The following SLC44A2 variants were observed in gnomAD, a reference collection of about 807,000 sequenced individuals.
SLC44A2 encodes the protein choline transporter-like protein 2.
A neutral mutation model predicts 90.8 loss-of-function variants in SLC44A2; 57 were observed. The ratio of observed to expected loss-of-function variants is 0.63; its 90% confidence interval spans 0.51 to 0.78. The LOEUF (loss-of-function observed/expected upper bound fraction) is 0.78, where lower values mean the gene tolerates loss of function less well. SLC44A2 is among the 30% of genes least tolerant of loss of function. The pLI is 0.00. For missense variants in SLC44A2, 794 were observed against 919.7 expected, an observed-to-expected ratio of 0.86 and a Z score of 1.77; for synonymous variants, 355 against 360.7, an observed-to-expected ratio of 0.98 and a Z score of 0.18.
At chr19:10,628,824 C>A (rs1264200798) in intron 4 of SLC44A2, among the ~76,000 whole-genome samples, 1 of 152,116 alleles carries the variant, frequency 6.6e-6, no homozygotes, top group African/African-American at 2.4e-5. Context: ...TCTCTCTGAA[C>A]CTCGTTTTCC....
intron 20 of SLC44A2, among the ~76,000 whole-genome samples, chr19:10,639,371 G>T (rs186662045): frequency 1.3e-5 from 2 of 152,278 alleles, no homozygotes; most frequent in Non-Finnish European, 2.9e-5. Context: ...TGCAAACTGG[G>T]ACATGCCACG....
chr19:10,618,881 C>T (rs1041963970), intron 1 of SLC44A2, among the ~76,000 whole-genome samples: 3 of 151,632 alleles, frequency 2.0e-5, no homozygotes, highest in African/African-American at 7.3e-5. Context: ...GCCTTTTCTT[C>T]CTAATATACA....
In SLC44A2 at chr19:10,625,670, G is replaced by A. The variant is rs201831788; in HGVS notation, c.37G>A (p.Gly13Arg). ...DERPHYYGKH[G>R]TPQKYDPTFK... ...GCGGCCCCACTACTACGGGAAACAC[G>A]GTAGGCAGCGACCCCCGCCCGTAGC... The change falls in exon 1 of 22, where the codon GGA (glycine) becomes AGA (arginine). Residue 13 changes from glycine to arginine, a missense_variant and splice_region_variant. Physicochemically the swap from Gly to Arg is moderately radical, Grantham distance 125. Coordinates refer to ENST00000335757, the MANE Select transcript of SLC44A2 (RefSeq NM_020428.4). The A allele has an allele frequency of 9.0e-4, 1,120 of 1,250,326 alleles. 26 individuals carry two copies. In the East Asian group the frequency reaches 0.025, roughly 28 times the overall value. 77.5% of individuals were successfully genotyped at this position (1,250,326 alleles called of 1,614,324 possible).
chr19:10,636,202 C>A, intron 14 of SLC44A2, 121 bp from the exon 15 acceptor site: 2 of 1,217,898 alleles, frequency 1.6e-6, no homozygotes, highest in Non-Finnish European at 2.3e-6. Context: ...CTTCCCTTAA[C>A]TTCAATCCCT....
intron 19 of SLC44A2, 22 bp downstream of exon 19, chr19:10,638,115 T>A (rs1352018185): frequency 6.2e-7 from 1 of 1,613,796 alleles, no homozygotes; most frequent in Non-Finnish European, 8.5e-7. Context: ...CCACCTAGCC[T>A]CTCGGGGTGT....
At chr19:10,634,137 A>ATTTTTT (rs1177075276) in intron 10 of SLC44A2, among the ~76,000 whole-genome samples, 29 of 80,312 alleles carry the variant, frequency 3.6e-4, no homozygotes, top group South Asian at 5.6e-4. Flanking sequence ...CGCCCAGCTA[A>ATTTTTT]TTTTTTTTTT....
intron 1 of SLC44A2, among the ~76,000 whole-genome samples, chr19:10,612,978 A>T (rs1212989711): frequency 6.6e-6 from 1 of 152,182 alleles, no homozygotes; most frequent in Non-Finnish European, 1.5e-5. Flanking sequence ...CGAGCAAGCA[A>T]CCTCAGTGTG....
chr19:10,623,882 G>A (rs2066909611), upstream of SLC44A2, among the ~76,000 whole-genome samples: 1 of 151,922 alleles, frequency 6.6e-6, no homozygotes, highest in Non-Finnish European at 1.5e-5. Flanking sequence ...TACAGACAGG[G>A]TTTTGCCTTG....
intron 1 of SLC44A2, among the ~76,000 whole-genome samples, chr19:10,611,377 G>A (rs1031882958): frequency 1.3e-5 from 2 of 152,016 alleles, no homozygotes; most frequent in Non-Finnish European, 2.9e-5. Flanking sequence ...GCTTGAACCT[G>A]GGCAGCAGAG....
intron 18 of SLC44A2, 30 bp downstream of exon 18, chr19:10,637,959 C>T (rs780626796): frequency 6.2e-7 from 1 of 1,613,952 alleles, no homozygotes; most frequent in Non-Finnish European, 8.5e-7. Flanking sequence ...TTCCTCCTGC[C>T]ACCCGCCTCT....
rs911578501 is a variant in SLC44A2 at position 10,635,531 on chromosome 19, G to T, written c.1233+16G>T. On this transcript the variant is annotated intron_variant, in intron 14 of 21. Transcript: ENST00000335757. ...CAACCCAGAGGTGGGCGTCCCCGGG[G>T]TGGGGAGGGCAGGTATTGCCCCAGC... is the stretch of plus-strand genomic sequence containing the variant. 6.2e-7 allele frequency: 1 copy of T among 1,608,780 alleles called. No homozygotes were observed. The highest frequency in any genetic ancestry group is 1.1e-5 in the South Asian group (1 of 90,796).
At chr19:10,619,444 A>G (rs1325054715) in intron 1 of SLC44A2, among the ~76,000 whole-genome samples, 2 of 146,076 alleles carry the variant, frequency 1.4e-5, no homozygotes, top group Non-Finnish European at 3.0e-5. Flanking sequence ...AAAAAAAAAA[A>G]GTGTTTTTTT....
At chr19:10,636,952 G>T in intron 16 of SLC44A2, 196 bp downstream of exon 16, 1 of 605,796 alleles carries the variant, frequency 1.7e-6, no homozygotes. Context: ...GAACCTACTG[G>T]GTGGAATTCT....
chr19:10,629,121 T>C (rs2144850868), intron 4 of SLC44A2, among the ~76,000 whole-genome samples: 1 of 150,808 alleles, frequency 6.6e-6, no homozygotes, highest in South Asian at 2.1e-4. Context: ...GGAGAATTGC[T>C]TGAACCTGGG....
Position 10,631,369 on chromosome 19 carries a change from G to T in SLC44A2, c.425G>T (p.Gly142Val), listed in dbSNP as rs1251928133. 1 of 1,614,000 alleles carries T rather than the reference G, an allele frequency of 6.2e-7. No homozygotes were observed. The highest frequency in any genetic ancestry group is 8.5e-7 in the Non-Finnish European group (1 of 1,180,012). The change falls in exon 6 of 22, where the codon GGC becomes GTC. Residue 142 changes from glycine to valine, a missense_variant. Gly to Val is a moderately radical substitution (Grantham distance 109). Transcript: ENST00000335757. ...FEYYKQFCVPGFKNNKGVAEV... is the reference protein window; with the variant it reads ...FEYYKQFCVPVFKNNKGVAEV... ...TACTATAAGCAGTTCTGTGTTCCTG[G>T]CTTCAAGAACAATAAAGTGAGTTGT...
intron 10 of SLC44A2, among the ~76,000 whole-genome samples, chr19:10,634,235 G>A (rs1242397191): frequency 5.0e-5 from 7 of 140,362 alleles, no homozygotes; most frequent in South Asian, 2.3e-4. Flanking sequence ...TGATCCACCC[G>A]TCTTGGCCTC....
Position 10,638,089 on chromosome 19 carries a change from T to G in SLC44A2, c.1836T>G (p.Ser612Arg), listed in dbSNP as rs1339492234. 1 of 1,613,948 alleles carries G rather than the reference T, an allele frequency of 6.2e-7. No individual in the cohort carries two copies. The highest frequency in any genetic ancestry group is 1.7e-5 in the Admixed American group (1 of 59,976). The change falls in exon 19 of 22, where the codon AGT (serine) becomes AGG (arginine). Residue 612 changes from serine (S) to arginine (R), a missense_variant. Physicochemically the swap from Ser to Arg is moderately radical, Grantham distance 110. This residue lies in a region of SLC44A2 where 738 missense variants were observed against 841.1 expected (regional missense o/e 0.88). Transcript: ENST00000335757. ...FLLGKLLIVG[S>R]VGILAFFFFT... is the part of the protein sequence containing the mutation. ...TGGGCAAACTTCTGATCGTTGGTAGTGTGGGTGAGTGCCGCCCACCTAGCC... is the reference window on the plus strand; with the variant it reads ...TGGGCAAACTTCTGATCGTTGGTAGGGTGGGTGAGTGCCGCCCACCTAGCC...
chr19:10,612,436 T>C (rs940841955), intron 1 of SLC44A2, among the ~76,000 whole-genome samples: 1 of 152,176 alleles, frequency 6.6e-6, no homozygotes, highest in Non-Finnish European at 1.5e-5. Context: ...GTGCCTAACA[T>C]AGTCCAGCAT....
intron 4 of SLC44A2, among the ~76,000 whole-genome samples, 184 bp from the exon 5 acceptor site, chr19:10,630,873 C>T (rs1013645189): frequency 1.8e-4 from 27 of 150,624 alleles, no homozygotes; most frequent in African/African-American, 5.9e-4. Context: ...GGCTTGGTAG[C>T]GGGCACCTGT....
Sources: gnomAD v4.1 joint callset for allele counts (sites outside exome capture counted in the v4.1 genomes callset) on GRCh38, gnomAD v4.1.1 for gene constraint, gnomAD v4.1.1 regional missense constraint, MANE v1.5 for transcripts, NCBI Gene and HGNC (gene_info 2026-07-23, HGNC 2026-07-21) for gene names.